The following PDE7A variants were observed in gnomAD, a reference collection of about 807,000 sequenced individuals.
PDE7A encodes high affinity 3',5'-cyclic-AMP phosphodiesterase 7A.
In PDE7A, 39 loss-of-function variants were observed where a neutral mutation model predicts 64.3. The observed-to-expected ratio is 0.61, with a 90% confidence interval of 0.47 to 0.79. PDE7A has a LOEUF of 0.79. Ranked by LOEUF, PDE7A falls within the 30% of genes least tolerant of loss-of-function variation. The pLI, the probability that PDE7A is intolerant of heterozygous loss-of-function variation, is 0.00. For missense variants in PDE7A, 470 were observed against 582.8 expected, an observed-to-expected ratio of 0.81 and a Z score of 1.99; for synonymous variants, 203 against 206.8, an observed-to-expected ratio of 0.98 and a Z score of 0.16.
intron 1 of PDE7A, among the ~76,000 whole-genome samples, chr8:65,791,632 C>G (rs1809705654): frequency 6.6e-6 from 1 of 152,178 alleles, no homozygotes; most frequent in Non-Finnish European, 1.5e-5. Flanking sequence ...CTTCCCCCAG[C>G]ATCCACTTCC....
At position 65,841,496 on chromosome 8, in the gene PDE7A, A is replaced by G; in HGVS notation, c.13T>C (p.Tyr5His). MEVC[Y>H]QLPVLPLDRP... ...TCCAGGGGCAGTACCGGCAGCTGGT[A>G]ACACACTTCCATTGAATACGCCCGC... is the stretch of plus-strand genomic sequence containing the variant. The change falls in exon 1 of 13, where the codon TAC becomes CAC. Residue 5 changes from tyrosine to histidine, a missense_variant. By Grantham distance (83) the Tyr-to-His change is moderately conservative. Transcript: ENST00000401827. 6.5e-7 allele frequency: 1 copy of G among 1,542,176 alleles called. No individual in the cohort carries two copies. Among genetic ancestry groups the G allele is most frequent in the Non-Finnish European group, 8.7e-7 (1 of 1,151,530 alleles).
At position 65,792,552 on chromosome 8, in the gene PDE7A, C is replaced by T. The variant is rs116682846; in HGVS notation, c.139-9709G>A. Among the ~76,000 whole-genome samples, 727 of 152,314 alleles carry T rather than the reference C, an allele frequency of 4.8e-3. 5 individuals are homozygous for T. The highest frequency in any genetic ancestry group is 0.017 in the African/African-American group (704 of 41,556). ...ATTAGGCTAACCTCATCTGCATTGACATCAGTGTCTATAATTTTGGAATCC... is the reference window on the plus strand; with the variant it reads ...ATTAGGCTAACCTCATCTGCATTGATATCAGTGTCTATAATTTTGGAATCC... On this transcript the variant is annotated intron_variant, in intron 1 of 12. Transcript: ENST00000401827.
chr8:65,768,722 G>T (rs1048979493), intron 3 of PDE7A, among the ~76,000 whole-genome samples: 1 of 152,040 alleles, frequency 6.6e-6, no homozygotes, highest in African/African-American at 2.4e-5. Context: ...GAATGTTTCT[G>T]GTCATCCTAA....
intron 7 of PDE7A, among the ~76,000 whole-genome samples, chr8:65,731,321 G>A (rs1229877090): frequency 1.3e-5 from 2 of 152,158 alleles, no homozygotes; most frequent in African/African-American, 4.8e-5. Context: ...AGGGAGGGAC[G>A]TGCAGGGCCA....
intron 1 of PDE7A, among the ~76,000 whole-genome samples, chr8:65,820,354 C>T (rs1810513028): frequency 6.6e-6 from 1 of 152,116 alleles, no homozygotes; most frequent in African/African-American, 2.4e-5. Context: ...TGAGATCATG[C>T]CACTTCATTA....
At chr8:65,747,476 C>G (rs1585863919) in intron 4 of PDE7A, among the ~76,000 whole-genome samples, 176 bp downstream of exon 4, 1 of 152,116 alleles carries the variant, frequency 6.6e-6, no homozygotes, top group East Asian at 1.9e-4. Flanking sequence ...TTCCCTTGCT[C>G]TGTAATGGCT....
At chr8:65,798,195 TATATATA>T (rs1234294917) in intron 1 of PDE7A, among the ~76,000 whole-genome samples, 1,609 of 25,430 alleles carry the variant, frequency 0.063, 20 homozygotes, top group Admixed American at 0.15. Context: ...TATATATATA[TATATATA>T]TATATTTTTT....
At chr8:65,798,205 T>G (rs1809896921) in intron 1 of PDE7A, among the ~76,000 whole-genome samples, 1 of 71,218 alleles carries the variant, frequency 1.4e-5, no homozygotes, top group African/African-American at 1.0e-4. Flanking sequence ...TATATATATA[T>G]ATTTTTTTTT....
At chr8:65,786,621 AAAACCATAT>A (rs1809565362) in intron 1 of PDE7A, among the ~76,000 whole-genome samples, 1 of 152,210 alleles carries the variant, frequency 6.6e-6, no homozygotes, top group South Asian at 2.1e-4. Flanking sequence ...TATCATTTTA[AAAACCATAT>A]ACTACTAGAA....
intron 6 of PDE7A, 135 bp downstream of exon 6, chr8:65,739,365 CTG>C (rs1429070651): frequency 2.2e-5 from 21 of 962,462 alleles, no homozygotes; most frequent in Non-Finnish European, 2.8e-5. Context: ...AGCTAAATAA[CTG>C]TGTGTTGTTT....
chr8:65,792,895 A>G (rs1002409567), intron 1 of PDE7A, among the ~76,000 whole-genome samples: 2 of 152,198 alleles, frequency 1.3e-5, no homozygotes, highest in Admixed American at 6.5e-5. Context: ...TTGCCATTCA[A>G]TTAAGACCTT....
At chr8:65,815,717 G>C (rs868715586) in intron 1 of PDE7A, among the ~76,000 whole-genome samples, 50 of 148,034 alleles carry the variant, frequency 3.4e-4, no homozygotes, top group African/African-American at 1.2e-3. Flanking sequence ...TCCATTGATA[G>C]AATAATGGAT....
chr8:65,787,584 T>G (rs1262839493), intron 1 of PDE7A, among the ~76,000 whole-genome samples: 7 of 152,130 alleles, frequency 4.6e-5, no homozygotes, highest in Non-Finnish European at 8.8e-5. Flanking sequence ...TTTTCAACAG[T>G]TTTTTTAAAA....
chr8:65,779,924 G>A, intron 2 of PDE7A, 121 bp from the exon 3 acceptor site: 1 of 501,914 alleles, frequency 2.0e-6, no homozygotes, highest in Non-Finnish European at 3.5e-6. Context: ...GATCATATAT[G>A]TGGAACAGGT....
In PDE7A at chr8:65,716,012, A is replaced by AG. The variant is rs1411497534; in HGVS notation, c.*3277_*3278insC. Among the ~76,000 whole-genome samples, 1 of 147,224 alleles carries AG rather than the reference A, an allele frequency of 6.8e-6. No individual in the cohort carries two copies. The highest frequency in any genetic ancestry group is 2.0e-4 in the East Asian group (1 of 5,006). On this transcript the variant is annotated 3_prime_UTR_variant, in exon 13 of 13. Transcript: ENST00000401827. ...GCTCTGTCTCAAAAAAAAAAAAAAA[A>AG]AAAAAAAAAAAAATTAGCTGGGTGG... is the stretch of plus-strand genomic sequence containing the variant.
chr8:65,793,928 A>C (rs775342163), intron 1 of PDE7A, among the ~76,000 whole-genome samples: 1 of 152,216 alleles, frequency 6.6e-6, no homozygotes, highest in Non-Finnish European at 1.5e-5. Context: ...AAAATCATGT[A>C]AGGATCTGCC....
chr8:65,826,875 C>G (rs1176474335), intron 1 of PDE7A, among the ~76,000 whole-genome samples: 1 of 152,138 alleles, frequency 6.6e-6, no homozygotes, highest in African/African-American at 2.4e-5. Flanking sequence ...TTTCTAGTTT[C>G]TGATGTCTCC....
intron 5 of PDE7A, among the ~76,000 whole-genome samples, chr8:65,743,556 C>T (rs1439770598): frequency 1.3e-5 from 2 of 152,160 alleles, no homozygotes; most frequent in African/African-American, 2.4e-5. Context: ...ACTGCATAAG[C>T]AAACAGAAGG....
At chr8:65,807,511 T>C (rs1300784228) in intron 1 of PDE7A, among the ~76,000 whole-genome samples, 1 of 152,108 alleles carries the variant, frequency 6.6e-6, no homozygotes, top group Admixed American at 6.5e-5. Flanking sequence ...CCAATCTGGA[T>C]GTTTTTTTTA....
Sources: gnomAD v4.1 joint callset for allele counts (sites outside exome capture counted in the v4.1 genomes callset) on GRCh38, gnomAD v4.1.1 for gene constraint, MANE v1.5 for transcripts, NCBI Gene and HGNC (gene_info 2026-07-23, HGNC 2026-07-21) for gene names.